Variants in INSYN2B observed in about 807,000 individuals in gnomAD.
INSYN2B encodes the protein inhibitory synaptic factor family member 2B, also known as protein INSYN2B.
In INSYN2B, 16 loss-of-function variants were observed where a neutral mutation model predicts 41.2. The observed-to-expected ratio is 0.39, with a 90% CI of 0.26 to 0.59. The LOEUF (loss-of-function observed/expected upper bound fraction) is 0.59. Ranked by LOEUF, INSYN2B falls within the 20% of genes least tolerant of loss-of-function variation. INSYN2B has a pLI of 0.57. For synonymous variants in INSYN2B, 245 were observed against 244.4 expected (o/e 1.00, Z -0.02); for missense variants, 608 against 646.4 (o/e 0.94, Z 0.64).
intron 1 of INSYN2B, among the ~76,000 whole-genome samples, chr5:169,900,180 G>A (rs935676144): frequency 6.6e-6 from 1 of 152,180 alleles, no homozygotes; most frequent in South Asian, 2.1e-4. Context: ...GTAATAGGCA[G>A]CACGGTAAGA....
chr5:169,870,532 A>G lies in INSYN2B; in HGVS notation c.1422-6073T>C, dbSNP rs201129449. Among the ~76,000 whole-genome samples, 6 of 152,258 alleles carry G rather than the reference A, an allele frequency of 3.9e-5. No individual in the cohort carries two copies. The East Asian group carries it at 1.2e-3, about 29-fold the overall frequency. ...TAACAGAAGCCTCTCAGTTGTATAT[A>G]ACTTTTGAATTTGCAAAGTATTTTA... On this transcript the variant is annotated intron_variant, in intron 3 of 3. Transcript: ENST00000377365.
chr5:169,946,561 C>T (rs535964348), intron 1 of INSYN2B, among the ~76,000 whole-genome samples: 15 of 152,198 alleles, frequency 9.9e-5, no homozygotes, highest in African/African-American at 2.2e-4. Flanking sequence ...AGTCACTCAT[C>T]CATTCATTCA....
chr5:169,883,262 A>T lies in INSYN2B; in HGVS notation c.637T>A (p.Ser213Thr). 1 of 1,551,550 alleles carries T rather than the reference A, an allele frequency of 6.4e-7. No individual in the cohort carries two copies. The highest frequency in any genetic ancestry group is 2.0e-5 in the Admixed American group (1 of 50,986). Residue 213 changes from serine (S) to threonine (T), a missense_variant, in exon 2 of 4, where the codon TCC becomes ACC. By Grantham distance (58) the Ser-to-Thr change is moderately conservative. Transcript: ENST00000377365. Reference protein sequence around the residue: ...QVPDDIYHSPSWEARESALSP... With the variant: ...QVPDDIYHSPTWEARESALSP... ...AGAGCAGACTCTCTAGCTTCCCAGG[A>T]AGGACTGTGATAAATATCATCTGGA...
chr5:169,912,720 C>T (rs576873834), intron 1 of INSYN2B, among the ~76,000 whole-genome samples: 1 of 152,114 alleles, frequency 6.6e-6, no homozygotes, highest in Admixed American at 6.5e-5. Context: ...AGTGGTCCAG[C>T]TTATTGTCCA....
At chr5:169,952,661 C>A (rs940052408) in intron 1 of INSYN2B, among the ~76,000 whole-genome samples, 6 of 152,102 alleles carry the variant, frequency 3.9e-5, no homozygotes, top group African/African-American at 1.4e-4. Context: ...TGCACAGCAC[C>A]CCACCTGCTT....
Position 169,904,417 on chromosome 5 carries a change from C to T in INSYN2B, c.-918-19601G>A, listed in dbSNP as rs530349854. 5.7e-4 allele frequency among the ~76,000 whole-genome samples: 87 copies of T among 152,248 alleles called. 1 individual carries two copies. Among genetic ancestry groups the T allele is most frequent in the Non-Finnish European group, 1.1e-3 (75 of 68,018 alleles). Reference sequence around the variant, plus strand: ...ACCTACCTGTCTATGGAATTTCTACCAGTGTGTTCAAACACCTCTCCAAAG... The same window carrying T: ...ACCTACCTGTCTATGGAATTTCTACTAGTGTGTTCAAACACCTCTCCAAAG... On this transcript the variant is annotated intron_variant, in intron 1 of 3. Transcript: ENST00000377365.
chr5:169,921,370 G>GC (rs1397474263), intron 1 of INSYN2B, among the ~76,000 whole-genome samples: 2 of 152,152 alleles, frequency 1.3e-5, no homozygotes, highest in Non-Finnish European at 2.9e-5. Context: ...TTCTTTCTCA[G>GC]CATAGGGGTC....
chr5:169,913,505 G>C (rs1774716196), intron 1 of INSYN2B, among the ~76,000 whole-genome samples: 1 of 152,188 alleles, frequency 6.6e-6, no homozygotes, highest in South Asian at 2.1e-4. Flanking sequence ...TCTTTGACTT[G>C]TTGGGAGATG....
intron 1 of INSYN2B, among the ~76,000 whole-genome samples, chr5:169,888,740 G>T (rs1488668693): frequency 6.6e-6 from 1 of 152,202 alleles, no homozygotes; most frequent in Non-Finnish European, 1.5e-5. Flanking sequence ...TAAACTGGTT[G>T]TGAGAATTAA....
chr5:169,952,698 C>T (rs1368981788), intron 1 of INSYN2B, among the ~76,000 whole-genome samples: 1 of 152,172 alleles, frequency 6.6e-6, no homozygotes, highest in African/African-American at 2.4e-5. Flanking sequence ...TATCATGCTC[C>T]AGCCAGCCTT....
chr5:169,958,100 G>A (rs1776938773), intron 1 of INSYN2B, among the ~76,000 whole-genome samples: 2 of 152,148 alleles, frequency 1.3e-5, no homozygotes, highest in African/African-American at 4.8e-5. Flanking sequence ...GAGTGCAAGT[G>A]TGAAACATGA....
intron 1 of INSYN2B, among the ~76,000 whole-genome samples, chr5:169,935,926 T>C (rs1581442101): frequency 6.6e-6 from 1 of 152,338 alleles, no homozygotes; most frequent in Admixed American, 6.5e-5. Context: ...CATCCTCAAA[T>C]GGTTACAGTT....
chr5:169,964,059 G>A (rs1241263239), intron 1 of INSYN2B, among the ~76,000 whole-genome samples: 1 of 152,124 alleles, frequency 6.6e-6, no homozygotes, highest in Non-Finnish European at 1.5e-5. Context: ...TTAAAGAAAG[G>A]TTGAGGTACA....
At chr5:169,875,382 C>A (rs1268413401) in intron 3 of INSYN2B, 1 of 447,652 alleles carries the variant, frequency 2.2e-6, no homozygotes, top group Non-Finnish European at 4.5e-6. Context: ...CTAGGGCCTA[C>A]ATCTTCAATG....
intron 1 of INSYN2B, among the ~76,000 whole-genome samples, chr5:169,926,108 G>A (rs902376960): frequency 2.6e-5 from 4 of 152,168 alleles, no homozygotes; most frequent in Admixed American, 6.5e-5. Context: ...GTGGGATGCT[G>A]TGGGAAAACA....
rs1771384487 is a variant in INSYN2B at position 169,864,159 on chromosome 5, G to A, written c.*114C>T. 2.1e-6 allele frequency: 2 copies of A among 941,488 alleles called. No homozygotes were observed. The highest frequency in any genetic ancestry group is 3.2e-6 in the Non-Finnish European group (2 of 617,766). The allele number at this position is 941,488 out of a possible 1,614,324, so 58.3% of individuals were successfully genotyped here. A position where few individuals can be genotyped will look rare whatever the true frequency, so the allele number is the denominator to read the frequency against. ...AAGGCTCTTCTGTTTCACAGGCCAAGGGGCTCACAGCCCAGGGCCTTTGCA... is the reference window on the plus strand; with the variant it reads ...AAGGCTCTTCTGTTTCACAGGCCAAAGGGCTCACAGCCCAGGGCCTTTGCA... On this transcript the variant is annotated 3_prime_UTR_variant, in exon 4 of 4. Coordinates refer to ENST00000377365, the MANE Select transcript of INSYN2B (RefSeq NM_001129891.3).
chr5:169,977,700 C>T (rs1025994010), intron 1 of INSYN2B, among the ~76,000 whole-genome samples: 4 of 152,312 alleles, frequency 2.6e-5, no homozygotes, highest in Middle Eastern at 3.4e-3. Flanking sequence ...CCATCCTGCT[C>T]ATTGCTCCAT....
chr5:169,928,335 T>A (rs937643988), intron 1 of INSYN2B, among the ~76,000 whole-genome samples: 1 of 152,234 alleles, frequency 6.6e-6, no homozygotes, highest in African/African-American at 2.4e-5. Context: ...GTGGCAGTGC[T>A]GCCTTACCAG....
intron 1 of INSYN2B, among the ~76,000 whole-genome samples, chr5:169,934,430 G>C (rs944590332): frequency 6.6e-6 from 1 of 152,100 alleles, no homozygotes; most frequent in African/African-American, 2.4e-5. Context: ...AACCCTCAAG[G>C]GCAGGGTGTC....
Sources: gnomAD v4.1 joint callset for allele counts (sites outside exome capture counted in the v4.1 genomes callset) on GRCh38, gnomAD v4.1.1 for gene constraint, MANE v1.5 for transcripts, NCBI Gene and HGNC (gene_info 2026-07-23, HGNC 2026-07-21) for gene names.